ATP2B1: variants seen among roughly 807,000 people sequenced by gnomAD.
ATP2B1 encodes ATPase plasma membrane Ca2+ transporting 1, also known as plasma membrane calcium-transporting ATPase 1.
ATP2B1 carries 14 observed loss-of-function variants against 124.2 expected under a neutral mutation model. The observed-to-expected ratio is 0.11, with a 90% CI of 0.07 to 0.18. The LOEUF is 0.18. ATP2B1 is among the 10% of genes least tolerant of loss of function. The probability of loss-of-function intolerance (pLI) is 1.00; values close to 1 mark genes in which losing one functional copy is unlikely to be tolerated. For synonymous variants in ATP2B1, 449 were observed against 492.4 expected, an observed-to-expected ratio of 0.91 and a Z score of 1.17; for missense variants, 763 against 1,466.1, an observed-to-expected ratio of 0.52 and a Z score of 7.83.
At chr12:89,698,642 C>A (rs764377723) in intron 1 of ATP2B1, among the ~76,000 whole-genome samples, 6 of 151,622 alleles carry the variant, frequency 4.0e-5, no homozygotes, top group Non-Finnish European at 8.8e-5. Flanking sequence ...CTTAGTAAGA[C>A]TATAACAAAT....
chr12:89,678,013 CACACAT>C (rs1407609123), intron 1 of ATP2B1, among the ~76,000 whole-genome samples: 66 of 140,364 alleles, frequency 4.7e-4, no homozygotes, highest in African/African-American at 1.5e-3. Context: ...CACACACACA[CACACAT>C]ATACAGAATG....
At chr12:89,676,976 A>T (rs1888685685) in intron 1 of ATP2B1, among the ~76,000 whole-genome samples, 1 of 152,068 alleles carries the variant, frequency 6.6e-6, no homozygotes, top group Non-Finnish European at 1.5e-5. Flanking sequence ...TGCATTATGG[A>T]CCAAAAAATT....
At chr12:89,678,327 T>A (rs2136606540) in intron 1 of ATP2B1, among the ~76,000 whole-genome samples, 1 of 152,232 alleles carries the variant, frequency 6.6e-6, no homozygotes, top group Admixed American at 6.5e-5. Context: ...CCGTTTCATG[T>A]TTTCTTCTTG....
At chr12:89,700,170 A>G (rs1333368541) in intron 1 of ATP2B1, among the ~76,000 whole-genome samples, 1 of 152,082 alleles carries the variant, frequency 6.6e-6, no homozygotes, top group Non-Finnish European at 1.5e-5. Context: ...AGGGTAACAT[A>G]AACTTTACCC....
At chr12:89,640,802 C>T (rs1883385253) in intron 3 of ATP2B1, among the ~76,000 whole-genome samples, 1 of 152,120 alleles carries the variant, frequency 6.6e-6, no homozygotes, top group South Asian at 2.1e-4. Flanking sequence ...AAGGCCACCT[C>T]TTGCTCCCTC....
intron 1 of ATP2B1, among the ~76,000 whole-genome samples, chr12:89,686,635 T>C (rs1221412505): frequency 6.6e-6 from 1 of 152,086 alleles, no homozygotes; most frequent in Non-Finnish European, 1.5e-5. Context: ...CAACTAATCA[T>C]ACTGATAAAC....
intron 9 of ATP2B1, among the ~76,000 whole-genome samples, chr12:89,622,065 G>A (rs1373054824): frequency 2.0e-5 from 3 of 151,518 alleles, no homozygotes; most frequent in Non-Finnish European, 4.4e-5. Context: ...ACCTACATCC[G>A]TACACAAATA....
chr12:89,652,081 T>A lies in ATP2B1; in HGVS notation c.208+3598A>T, dbSNP rs547907572. Among the ~76,000 whole-genome samples the A allele has an allele frequency of 6.5e-4, 99 of 152,316 alleles. 1 individual carries two copies. Among genetic ancestry groups the A allele is most frequent in the Admixed American group, 2.3e-3 (35 of 15,310 alleles). The stretch of plus-strand genomic sequence containing the variant: ...ATTTCCCTTCTCCACTCATTTTTTT[T>A]AAACATGTATCGCCAACACACTACT... On this transcript the variant is annotated intron_variant, in intron 2 of 20. Transcript: ENST00000428670.
At chr12:89,610,893 C>T (rs1037042127) in intron 13 of ATP2B1, among the ~76,000 whole-genome samples, 1 of 152,128 alleles carries the variant, frequency 6.6e-6, no homozygotes, top group Admixed American at 6.5e-5. Context: ...CCATATCAGC[C>T]TTTCCAACTC....
chr12:89,671,203 G>C (rs1473894122), intron 1 of ATP2B1, among the ~76,000 whole-genome samples: 2 of 151,996 alleles, frequency 1.3e-5, no homozygotes, highest in Non-Finnish European at 2.9e-5. Flanking sequence ...TGGAGCCCAG[G>C]ACTCAAGATC....
At chr12:89,628,689 A>T (rs1449070019) in intron 6 of ATP2B1, among the ~76,000 whole-genome samples, 1 of 152,234 alleles carries the variant, frequency 6.6e-6, no homozygotes, top group Non-Finnish European at 1.5e-5. Context: ...AAAGAGCAGG[A>T]GAACCATTCA....
Position 89,589,516 on chromosome 12 carries a change from A to C in ATP2B1, c.*1468T>G, listed in dbSNP as rs1468803440. The C allele has an allele frequency of 1.3e-5, 2 of 152,156 alleles. No individual in the cohort carries two copies. The highest frequency in any genetic ancestry group is 1.9e-4 in the East Asian group (1 of 5,204). 9.4% of individuals were successfully genotyped at this position (152,156 alleles called of 1,614,324 possible). ...CTGTTATTTGGCCACTTAAGAATTA[A>C]AATAAATGTATCAAAGACAATGGTG... On this transcript the variant is annotated 3_prime_UTR_variant, in exon 21 of 21. Coordinates refer to ENST00000428670, the MANE Select transcript of ATP2B1 (RefSeq NM_001366521.1).
In ATP2B1 at chr12:89,643,065, T is replaced by TATACAC. The variant is rs1555201598; in HGVS notation, c.209-711_209-710insGTGTAT. ...TGGGAAGTTTATATATAAAGATACA[T>TATACAC]ACACACACACACACACACACACACA... is the stretch of plus-strand genomic sequence containing the variant. On this transcript the variant is annotated intron_variant, in intron 2 of 20. Transcript: ENST00000428670. Among the ~76,000 whole-genome samples, 320 of 143,640 alleles carry TATACAC rather than the reference T, an allele frequency of 2.2e-3. 1 individual carries two copies. The highest frequency in any genetic ancestry group is 7.5e-3 in the African/African-American group (289 of 38,710). 94.2% of individuals were successfully genotyped at this position (143,640 alleles called of 152,430 possible). A position where few individuals can be genotyped will look rare whatever the true frequency, so the allele number is the denominator to read the frequency against.
chr12:89,605,512 T>A (rs2854369), intron 15 of ATP2B1, among the ~76,000 whole-genome samples: 1 of 152,172 alleles, frequency 6.6e-6, no homozygotes, highest in African/African-American at 2.4e-5. Flanking sequence ...AGCATGAAGG[T>A]CCTCACCAGA....
intron 1 of ATP2B1, among the ~76,000 whole-genome samples, chr12:89,670,130 CA>C (rs1887760434): frequency 6.6e-6 from 1 of 152,034 alleles, no homozygotes. Flanking sequence ...ACACAATATT[CA>C]GGGGGAAAGC....
chr12:89,616,686 G>GAAA, intron 12 of ATP2B1, 116 bp downstream of exon 12: 2 of 769,444 alleles, frequency 2.6e-6, no homozygotes, highest in Non-Finnish European at 3.8e-6. Context: ...GGTTCACACA[G>GAAA]AAAAAAAAAA....
rs765817702 is a variant in ATP2B1 at position 89,601,368 on chromosome 12, T to C, written c.3126A>G (p.Leu1042=). 1.9e-6 allele frequency: 3 copies of C among 1,577,574 alleles called. No individual in the cohort carries two copies. Among genetic ancestry groups the C allele is most frequent in the East Asian group, 2.4e-5 (1 of 42,480 alleles). ...SCSELSIEQW[L]WSIFLGMGTL... ...TTCCCATTCCTAGGAATATTGACCATAGCCACTGTTCTATTGAAAGTTCTG... is the reference window on the plus strand; with the variant it reads ...TTCCCATTCCTAGGAATATTGACCACAGCCACTGTTCTATTGAAAGTTCTG... The change falls in exon 19 of 21, where the codon CTA becomes CTG. Residue 1042 remains leucine, a synonymous_variant. Coordinates refer to ENST00000428670, the MANE Select transcript of ATP2B1 (RefSeq NM_001366521.1).
intron 9 of ATP2B1, among the ~76,000 whole-genome samples, chr12:89,622,557 T>C (rs1004650274): frequency 1.3e-5 from 2 of 152,098 alleles, no homozygotes. Context: ...AAAAACTATA[T>C]GGAGTTATTT....
At chr12:89,626,721 G>A (rs1055747184) in intron 7 of ATP2B1, 106 bp from the exon 8 acceptor site, 16 of 1,300,480 alleles carry the variant, frequency 1.2e-5, no homozygotes, top group Non-Finnish European at 1.4e-5. Flanking sequence ...ACCAGTAAAG[G>A]TATAAGCATT....
Sources: allele counts gnomAD v4.1 joint callset (sites outside exome capture counted in the v4.1 genomes callset), GRCh38; gene constraint gnomAD v4.1.1; transcripts MANE v1.5; gene names NCBI Gene and HGNC (gene_info 2026-07-23, HGNC 2026-07-21).